CPNE4: variants seen among roughly 807,000 people sequenced by gnomAD.
CPNE4 encodes the protein copine 4, also known as copine-4.
Under a neutral mutation model 67.9 loss-of-function variants are expected in CPNE4, and 25 were observed. The ratio of observed to expected loss-of-function variants is 0.37; its 90% CI spans 0.27 to 0.51. The LOEUF is 0.51. Among genes scored for constraint, CPNE4 ranks in the 20% least tolerant of loss-of-function variants. The pLI, the probability that CPNE4 is intolerant of heterozygous loss-of-function variation, is 0.93. For missense variants in CPNE4, 464 were observed against 690.8 expected (o/e 0.67, Z 3.68); for synonymous variants, 242 against 244.9 (o/e 0.99, Z 0.11).
In CPNE4 at chr3:131,638,175, A is replaced by C. The variant is rs140149758; in HGVS notation, c.681+31500T>G. On this transcript the variant is annotated intron_variant, in intron 7 of 15. Transcript: ENST00000429747. The stretch of plus-strand genomic sequence containing the variant: ...GGCCACAAATAGCATGATGAATAGA[A>C]TAGTACCTCACATCTCAATACTAAT... 7.5e-3 allele frequency among the ~76,000 whole-genome samples: 1,139 copies of C among 152,276 alleles called. 16 individuals carry two copies. The highest frequency in any genetic ancestry group is 0.026 in the African/African-American group (1,088 of 41,568).
At chr3:131,963,841 G>A (rs2072258735) in intron 1 of CPNE4, among the ~76,000 whole-genome samples, 1 of 152,230 alleles carries the variant, frequency 6.6e-6, no homozygotes. Context: ...TGCTGGCTCT[G>A]AAGAGAGCAG....
chr3:131,720,286 T>TG (rs1491058069), intron 3 of CPNE4, among the ~76,000 whole-genome samples: 17 of 23,852 alleles, frequency 7.1e-4, no homozygotes, highest in Admixed American at 3.8e-3. Flanking sequence ...AGGAATGGGT[T>TG]TTTTTTTTTT....
chr3:131,814,576 T>TAAGAG (rs2084659870), intron 2 of CPNE4, among the ~76,000 whole-genome samples: 1 of 5,958 alleles, frequency 1.7e-4, no homozygotes, highest in African/African-American at 5.7e-4. Flanking sequence ...AATGCAATTT[T>TAAGAG]TTTTTTTTTT....
intron 2 of CPNE4, among the ~76,000 whole-genome samples, chr3:131,896,682 T>C (rs1190605830): frequency 1.3e-5 from 2 of 152,056 alleles, no homozygotes; most frequent in Non-Finnish European, 2.9e-5. Flanking sequence ...AGAGTGCAGG[T>C]CCCTGATGTC....
chr3:131,972,309 C>T (rs547303526), intron 1 of CPNE4, among the ~76,000 whole-genome samples: 28 of 152,292 alleles, frequency 1.8e-4, no homozygotes, highest in Middle Eastern at 3.4e-3. Flanking sequence ...CTATAGTTCT[C>T]TGCCCGATGA....
intron 2 of CPNE4, among the ~76,000 whole-genome samples, chr3:131,830,936 T>G (rs2085345850): frequency 6.6e-6 from 1 of 152,108 alleles, no homozygotes; most frequent in South Asian, 2.1e-4. Context: ...AAGTCTTCCC[T>G]GAGGTTAACT....
intron 10 of CPNE4, among the ~76,000 whole-genome samples, chr3:131,573,085 A>G (rs1937416479): frequency 6.6e-6 from 1 of 152,134 alleles, no homozygotes; most frequent in South Asian, 2.1e-4. Flanking sequence ...CATAGAAGTG[A>G]CTGGTATGTT....
At chr3:131,842,676 T>A (rs1300801235) in intron 2 of CPNE4, among the ~76,000 whole-genome samples, 2 of 150,408 alleles carry the variant, frequency 1.3e-5, no homozygotes, top group African/African-American at 4.9e-5. Flanking sequence ...CAAGCTAAGT[T>A]TTCCATCACC....
chr3:131,628,986 G>A (rs542165732), intron 7 of CPNE4, among the ~76,000 whole-genome samples: 14 of 152,006 alleles, frequency 9.2e-5, no homozygotes, highest in Non-Finnish European at 1.6e-4. Flanking sequence ...TTTTAATTGC[G>A]ATGTTAGGGT....
At chr3:131,925,157 TTCTCTC>T (rs35525721) in intron 1 of CPNE4, among the ~76,000 whole-genome samples, 110 of 147,266 alleles carry the variant, frequency 7.5e-4, no homozygotes, top group African/African-American at 2.4e-3. Flanking sequence ...TGTTCTCATA[TTCTCTC>T]TCTCTCTCTC....
At position 131,810,211 on chromosome 3, in the gene CPNE4, A is replaced by C. The variant is rs1245301021; in HGVS notation, c.181-86586T>G. Among the ~76,000 whole-genome samples the C allele has an allele frequency of 2.0e-5, 3 of 152,252 alleles. No individual in the cohort carries two copies. The East Asian group carries it at 5.8e-4, about 29-fold the overall frequency. ...AAAAGTAATAAACAAGTTTATGCCAAAATGAAAAGCTTCTGCACAGCATAG... is the reference window on the plus strand; with the variant it reads ...AAAAGTAATAAACAAGTTTATGCCACAATGAAAAGCTTCTGCACAGCATAG... On this transcript the variant is annotated intron_variant, in intron 2 of 15. Coordinates refer to ENST00000429747, the MANE Select transcript of CPNE4 (RefSeq NM_130808.3).
At chr3:131,880,178 GTGC>G (rs2087617573) in intron 2 of CPNE4, among the ~76,000 whole-genome samples, 1 of 148,598 alleles carries the variant, frequency 6.7e-6, no homozygotes, top group Non-Finnish European at 1.5e-5. Flanking sequence ...CCAGGCTGCA[GTGC>G]AGTGGCTCAC....
chr3:131,555,437 G>A (rs1239544867), intron 12 of CPNE4, 60 bp downstream of exon 12: 41 of 1,476,724 alleles, frequency 2.8e-5, no homozygotes, highest in Non-Finnish European at 3.8e-5. Context: ...CTGCAAAGAA[G>A]AGCCAAGTTA....
intron 2 of CPNE4, among the ~76,000 whole-genome samples, chr3:131,841,963 AG>A (rs2085802982): frequency 6.6e-6 from 1 of 152,174 alleles, no homozygotes; most frequent in Non-Finnish European, 1.5e-5. Flanking sequence ...TGTGTAAAAC[AG>A]CAGTGCTGAA....
chr3:132,029,389 C>A (rs1281071119), intron 1 of CPNE4, among the ~76,000 whole-genome samples: 1 of 152,172 alleles, frequency 6.6e-6, no homozygotes, highest in Non-Finnish European at 1.5e-5. Context: ...CAGGGCATAT[C>A]TTGGGGTTGG....
At chr3:131,557,036 T>C (rs1220758212) in intron 11 of CPNE4, among the ~76,000 whole-genome samples, 1 of 152,102 alleles carries the variant, frequency 6.6e-6, no homozygotes, top group Non-Finnish European at 1.5e-5. Context: ...CCAAAGCCCA[T>C]ACCTTTCTGT....
At chr3:131,797,939 T>C (rs2083963651) in intron 2 of CPNE4, among the ~76,000 whole-genome samples, 1 of 152,114 alleles carries the variant, frequency 6.6e-6, no homozygotes, top group South Asian at 2.1e-4. Flanking sequence ...AAGATATAGG[T>C]ACCCGCCAAT....
chr3:131,823,683 G>T (rs2085046586), intron 2 of CPNE4, among the ~76,000 whole-genome samples: 1 of 152,100 alleles, frequency 6.6e-6, no homozygotes, highest in African/African-American at 2.4e-5. Flanking sequence ...TTAAAGGTTA[G>T]GTATGAAGGC....
chr3:131,938,097 G>A (rs2071276660), intron 1 of CPNE4, among the ~76,000 whole-genome samples: 1 of 145,772 alleles, frequency 6.9e-6, no homozygotes, highest in Non-Finnish European at 1.5e-5. Flanking sequence ...GTGGTTTACA[G>A]ATATAATCCC....
Sources: gnomAD v4.1 joint callset for allele counts (sites outside exome capture counted in the v4.1 genomes callset) on GRCh38, gnomAD v4.1.1 for gene constraint, MANE v1.5 for transcripts, NCBI Gene and HGNC (gene_info 2026-07-23, HGNC 2026-07-21) for gene names.